Variants in YAF2 observed in about 807,000 individuals in gnomAD.
YAF2 encodes YY1 associated factor 2, also known as YY1-associated factor 2.
Under a neutral mutation model 20.1 loss-of-function variants are expected in YAF2, and 7 were observed. The observed-to-expected ratio is 0.35, with a 90% CI of 0.20 to 0.65. YAF2 has a LOEUF of 0.65. YAF2 is among the 30% of genes least tolerant of loss of function. YAF2 has a pLI of 0.69. For synonymous variants in YAF2, 74 were observed against 76.0 expected, an observed-to-expected ratio of 0.97 and a Z score of 0.14; for missense variants, 151 against 219.2, an observed-to-expected ratio of 0.69 and a Z score of 1.96.
intron 2 of YAF2, among the ~76,000 whole-genome samples, chr12:42,198,256 C>T (rs1289860638): frequency 6.6e-6 from 1 of 152,108 alleles, no homozygotes; most frequent in African/African-American, 2.4e-5. Flanking sequence ...AGAGGATCTG[C>T]TTTTTATCAG....
chr12:42,161,892 A>AT (rs893178010), intron 2 of YAF2, 127 bp from the exon 3 acceptor site: 1 of 814,830 alleles, frequency 1.2e-6, no homozygotes, highest in African/African-American at 1.8e-5. Flanking sequence ...AATTCCTCAT[A>AT]TGTAAGGTAA....
intron 2 of YAF2, among the ~76,000 whole-genome samples, chr12:42,223,327 TACATAC>T (rs991762949): frequency 1.6e-4 from 21 of 131,808 alleles, no homozygotes; most frequent in African/African-American, 5.8e-4. Context: ...TTCTTTAAAA[TACATAC>T]ACACACACAC....
intron 2 of YAF2, among the ~76,000 whole-genome samples, chr12:42,183,813 G>A (rs1266399434): frequency 6.6e-6 from 1 of 152,198 alleles, no homozygotes; most frequent in Non-Finnish European, 1.5e-5. Flanking sequence ...GAAAGAAGAT[G>A]CCATCTAGGA....
At chr12:42,199,676 T>C (rs1315426393) in intron 2 of YAF2, 1 of 153,228 alleles carries the variant, frequency 6.5e-6, no homozygotes, top group Non-Finnish European at 1.5e-5. Flanking sequence ...AATTAAGAAT[T>C]TCAAAATACA....
Position 42,234,660 on chromosome 12 carries a change from A to G in YAF2, c.152+2939T>C, listed in dbSNP as rs573430349. 15 of 984,632 alleles carry G rather than the reference A, an allele frequency of 1.5e-5. No individual in the cohort carries two copies. In the African/African-American group the frequency reaches 1.9e-4, roughly 13 times the overall value. 61.0% of individuals were successfully genotyped at this position (984,632 alleles called of 1,614,324 possible). A position where few individuals can be genotyped will look rare whatever the true frequency, so the allele number is the denominator to read the frequency against. ...CTGTTGCATAAAGAATTTGAACTTA[A>G]TATTATTTAAAGAAAAAAAATTATA... On this transcript the variant is annotated intron_variant, in intron 2 of 3. Transcript: ENST00000534854.
chr12:42,230,081 AC>A (rs2067933783), intron 2 of YAF2, among the ~76,000 whole-genome samples: 3 of 152,184 alleles, frequency 2.0e-5, no homozygotes, highest in African/African-American at 7.2e-5. Flanking sequence ...ACATGGTGAA[AC>A]CCTGTCTCTA....
intron 2 of YAF2, among the ~76,000 whole-genome samples, chr12:42,173,697 T>C (rs2066108736): frequency 6.6e-6 from 1 of 152,202 alleles, no homozygotes; most frequent in South Asian, 2.1e-4. Context: ...AATCCAAGAT[T>C]ACTCTTGCTT....
chr12:42,184,619 C>T (rs1353992660), intron 2 of YAF2, among the ~76,000 whole-genome samples: 2 of 152,100 alleles, frequency 1.3e-5, no homozygotes, highest in African/African-American at 4.8e-5. Context: ...CCTCAAGTCT[C>T]ATTATATTAG....
At position 42,157,811 on chromosome 12, in the gene YAF2, CAT is replaced by C. The variant is rs2065733779; in HGVS notation, c.*2776_*2777del. On this transcript the variant is annotated 3_prime_UTR_variant, in exon 4 of 4. Coordinates refer to ENST00000534854, the MANE Select transcript of YAF2 (RefSeq NM_005748.6). ...ATATATATGTATATTCAAATTTTTT[CAT>C]AGAGATGAGCTTTCACCATGTTGCC... 1 of 151,276 alleles carries C rather than the reference CAT, an allele frequency of 6.6e-6. No individual in the cohort carries two copies. Among genetic ancestry groups the C allele is most frequent in the Admixed American group, 6.6e-5 (1 of 15,194 alleles). 9.4% of individuals were successfully genotyped at this position (151,276 alleles called of 1,614,324 possible). A position where few individuals can be genotyped will look rare whatever the true frequency, so the allele number is the denominator to read the frequency against.
chr12:42,197,218 T>C (rs926985454), intron 2 of YAF2, among the ~76,000 whole-genome samples: 36 of 152,372 alleles, frequency 2.4e-4, no homozygotes, highest in African/African-American at 8.2e-4. Context: ...TAGCAGTCAC[T>C]GCTGCCACGT....
At chr12:42,210,623 T>C (rs1592010248) in intron 2 of YAF2, 2 of 1,536,084 alleles carry the variant, frequency 1.3e-6, no homozygotes, top group South Asian at 1.2e-5. Flanking sequence ...TGTGGATCTG[T>C]GGAGATTACC....
At chr12:42,192,746 G>A (rs1226574582) in intron 2 of YAF2, among the ~76,000 whole-genome samples, 3 of 152,120 alleles carry the variant, frequency 2.0e-5, no homozygotes, top group Non-Finnish European at 4.4e-5. Flanking sequence ...GGTCAAGGTA[G>A]TACTATCAGT....
chr12:42,174,936 A>G (rs915965875), intron 2 of YAF2, among the ~76,000 whole-genome samples: 4 of 152,244 alleles, frequency 2.6e-5, no homozygotes, highest in Admixed American at 6.5e-5. Context: ...TCTATGCATC[A>G]AAGTTTTCCT....
intron 2 of YAF2, among the ~76,000 whole-genome samples, chr12:42,193,324 A>C (rs2066665282): frequency 6.6e-6 from 1 of 152,080 alleles, no homozygotes; most frequent in Non-Finnish European, 1.5e-5. Context: ...CTCTCAAAAA[A>C]AAAAAAAAAA....
At chr12:42,207,277 G>C (rs1366632988) in intron 2 of YAF2, among the ~76,000 whole-genome samples, 1 of 152,146 alleles carries the variant, frequency 6.6e-6, no homozygotes, top group Non-Finnish European at 1.5e-5. Context: ...TGATTATTTA[G>C]AAGAGACAAT....
intron 2 of YAF2, among the ~76,000 whole-genome samples, chr12:42,194,461 C>G (rs764478482): frequency 6.6e-6 from 1 of 152,018 alleles, no homozygotes; most frequent in African/African-American, 2.4e-5. Flanking sequence ...CTGGCCAACA[C>G]GGTGAAAACC....
At chr12:42,161,374 C>A in intron 3 of YAF2, 1 of 357,878 alleles carries the variant, frequency 2.8e-6, no homozygotes, top group South Asian at 5.5e-5. Flanking sequence ...CAAATCCAGA[C>A]ACAAATGTCT....
chr12:42,235,173 G>C, intron 2 of YAF2: 3 of 990,206 alleles, frequency 3.0e-6, no homozygotes, highest in South Asian at 9.2e-5. Flanking sequence ...CCATCTGTGC[G>C]TCACACAAAC....
chr12:42,228,556 G>T (rs2067856015), intron 2 of YAF2, among the ~76,000 whole-genome samples: 1 of 64,050 alleles, frequency 1.6e-5, no homozygotes, highest in Admixed American at 1.2e-4. Flanking sequence ...CGCCCCTACT[G>T]GGAAGTGAGG....
Sources: gnomAD v4.1 joint callset for allele counts (sites outside exome capture counted in the v4.1 genomes callset) on GRCh38, gnomAD v4.1.1 for gene constraint, MANE v1.5 for transcripts, NCBI Gene and HGNC (gene_info 2026-07-23, HGNC 2026-07-21) for gene names.